The following VAV3 variants were observed in gnomAD, a reference collection of about 807,000 sequenced individuals.
VAV3 encodes vav guanine nucleotide exchange factor 3, also known as guanine nucleotide exchange factor VAV3.
In VAV3, 94 loss-of-function variants were observed where a neutral mutation model predicts 131.2. The observed-to-expected ratio is 0.72, with a 90% CI of 0.61 to 0.85. The LOEUF is 0.85. Ranked by LOEUF, VAV3 falls within the 40% of genes least tolerant of loss-of-function variation. The probability of loss-of-function intolerance (pLI) is 0.00; values close to 1 mark genes in which losing one functional copy is unlikely to be tolerated. For missense variants in VAV3, 939 were observed against 1,002.7 expected (o/e 0.94, Z 0.86); for synonymous variants, 349 against 342.0 (o/e 1.02, Z -0.22).
At chr1:107,669,840 A>G (rs533912813) in intron 19 of VAV3, among the ~76,000 whole-genome samples, 44 of 152,336 alleles carry the variant, frequency 2.9e-4, no homozygotes, top group South Asian at 8.3e-4. Context: ...AAAACTCCTT[A>G]GAGGAGAGAG....
chr1:107,738,663 C>G (rs917562059), intron 15 of VAV3, among the ~76,000 whole-genome samples: 1 of 152,120 alleles, frequency 6.6e-6, no homozygotes, highest in African/African-American at 2.4e-5. Context: ...AGTAGTAATT[C>G]TTGTGATCTA....
chr1:107,921,386 G>A (rs919688233), intron 1 of VAV3, among the ~76,000 whole-genome samples: 1 of 152,186 alleles, frequency 6.6e-6, no homozygotes, highest in African/African-American at 2.4e-5. Context: ...ATATTGCAGA[G>A]GGTAAGGAAC....
intron 1 of VAV3, among the ~76,000 whole-genome samples, chr1:107,901,124 G>A (rs1671837854): frequency 6.6e-6 from 1 of 152,134 alleles, no homozygotes; most frequent in Admixed American, 6.5e-5. Context: ...AGTATAGCAA[G>A]GGAAAAATAA....
intron 19 of VAV3, among the ~76,000 whole-genome samples, chr1:107,683,271 A>G (rs963877409): frequency 6.6e-6 from 1 of 152,210 alleles, no homozygotes; most frequent in African/African-American, 2.4e-5. Context: ...AACCAGCTCA[A>G]CTGCTGACTG....
chr1:107,843,342 T>C (rs1668812194), intron 2 of VAV3, among the ~76,000 whole-genome samples: 1 of 146,856 alleles, frequency 6.8e-6, no homozygotes, highest in Non-Finnish European at 1.5e-5. Context: ...TGACTAGATA[T>C]GTGAAGCCCT....
intron 25 of VAV3, among the ~76,000 whole-genome samples, chr1:107,591,488 G>A (rs7527807): frequency 0.15 from 22,059 of 152,092 alleles, 1,935 homozygotes; most frequent in East Asian, 0.35. Flanking sequence ...GGTAAGGAAC[G>A]GATGGCTTCA....
At chr1:107,955,767 A>G (rs1426090534) in intron 1 of VAV3, among the ~76,000 whole-genome samples, 1 of 152,166 alleles carries the variant, frequency 6.6e-6, no homozygotes, top group Non-Finnish European at 1.5e-5. Context: ...AGTGGAGAAG[A>G]GCTTTGAGAG....
intron 6 of VAV3, among the ~76,000 whole-genome samples, chr1:107,770,301 A>C (rs1441518851): frequency 1.3e-5 from 2 of 150,470 alleles, no homozygotes; most frequent in Non-Finnish European, 3.0e-5. Context: ...ATCACTCTCT[A>C]TCTTATGCCC....
At chr1:107,595,583 GA>G in intron 25 of VAV3, among the ~76,000 whole-genome samples, 1 of 152,178 alleles carries the variant, frequency 6.6e-6, no homozygotes, top group South Asian at 2.1e-4. Flanking sequence ...CTATCTCCAG[GA>G]AGATTATGTA....
At chr1:107,822,267 T>C (rs1241209306) in intron 2 of VAV3, among the ~76,000 whole-genome samples, 6 of 151,950 alleles carry the variant, frequency 3.9e-5, no homozygotes, top group Admixed American at 2.6e-4. Context: ...AGGGAATGTA[T>C]GGTGAAGGGA....
chr1:107,757,527 AAT>A (rs1213601577), intron 10 of VAV3, among the ~76,000 whole-genome samples, 198 bp from the exon 11 acceptor site: 1 of 152,174 alleles, frequency 6.6e-6, no homozygotes, highest in Non-Finnish European at 1.5e-5. Flanking sequence ...CATGAGACAC[AAT>A]ATGAGATATT....
At chr1:107,914,452 T>C (rs1422049664) in intron 1 of VAV3, among the ~76,000 whole-genome samples, 1 of 152,234 alleles carries the variant, frequency 6.6e-6, no homozygotes, top group Non-Finnish European at 1.5e-5. Flanking sequence ...AGGTGAATTA[T>C]TTGAGTCCTA....
chr1:107,863,816 G>C (rs573254804), intron 2 of VAV3, among the ~76,000 whole-genome samples: 6 of 152,292 alleles, frequency 3.9e-5, no homozygotes, highest in African/African-American at 1.4e-4. Flanking sequence ...GCAAAGAGAA[G>C]TTTGATTTCA....
At chr1:107,627,212 A>G (rs6680257) in intron 20 of VAV3, among the ~76,000 whole-genome samples, 156 of 152,012 alleles carry the variant, frequency 1.0e-3, no homozygotes, top group African/African-American at 3.4e-3. Context: ...GTAAACCCCT[A>G]TCTCTCTTTT....
intron 15 of VAV3, among the ~76,000 whole-genome samples, chr1:107,748,443 C>T (rs148017342): frequency 6.6e-6 from 1 of 152,124 alleles, no homozygotes; most frequent in Admixed American, 6.6e-5. Context: ...GAACTAAAAG[C>T]CACTTAAAGA....
At chr1:107,621,824 G>T (rs1404589856) in intron 20 of VAV3, among the ~76,000 whole-genome samples, 1 of 151,982 alleles carries the variant, frequency 6.6e-6, no homozygotes, top group Non-Finnish European at 1.5e-5. Context: ...TCATACTTAG[G>T]TGTCATCTGA....
At chr1:107,589,831 A>G (rs1272958230) in intron 25 of VAV3, among the ~76,000 whole-genome samples, 2 of 152,198 alleles carry the variant, frequency 1.3e-5, no homozygotes, top group Non-Finnish European at 2.9e-5. Flanking sequence ...TACGAAGGAG[A>G]TAATAAATAT....
intron 1 of VAV3, among the ~76,000 whole-genome samples, chr1:107,923,073 C>A (rs1672988436): frequency 6.6e-6 from 1 of 151,914 alleles, no homozygotes; most frequent in African/African-American, 2.4e-5. Flanking sequence ...CAACAGCTTG[C>A]AGAGTTTTTT....
intron 20 of VAV3, among the ~76,000 whole-genome samples, chr1:107,626,243 G>C (rs896582877): frequency 6.6e-6 from 1 of 152,160 alleles, no homozygotes; most frequent in Non-Finnish European, 1.5e-5. Context: ...AAACATTCCT[G>C]CAAATTCAGT....
Sources: allele counts gnomAD v4.1 joint callset (sites outside exome capture counted in the v4.1 genomes callset), GRCh38; gene constraint gnomAD v4.1.1; transcripts MANE v1.5; gene names NCBI Gene and HGNC (gene_info 2026-07-23, HGNC 2026-07-21).